Variants in CHD1L observed in about 807,000 individuals in gnomAD.
CHD1L encodes the protein chromodomain helicase DNA binding protein 1 like.
In CHD1L, 118 loss-of-function variants were observed where a neutral mutation model predicts 115.9. The observed-to-expected ratio is 1.02, with a 90% CI of 0.88 to 1.19. The LOEUF (loss-of-function observed/expected upper bound fraction) is 1.19, where lower values mean the gene tolerates loss of function less well. CHD1L is among the 50% of genes most tolerant of loss of function. The pLI is 0.00. For missense variants in CHD1L, 1,179 were observed against 1,065.3 expected (o/e 1.11, Z -1.49); for synonymous variants, 411 against 387.1 (o/e 1.06, Z -0.72).
chr1:147,218,435 A>G, the CHD1L span, among the ~76,000 whole-genome samples: 1 of 151,670 alleles, frequency 6.6e-6, no homozygotes, highest in Non-Finnish European at 1.5e-5. Context: ...GACGGGTTTC[A>G]CCATGTTAGC....
At chr1:147,264,255 C>T (rs982720516) in intron 6 of CHD1L, among the ~76,000 whole-genome samples, 167 bp from the exon 7 acceptor site, 2 of 152,170 alleles carry the variant, frequency 1.3e-5, no homozygotes, top group Non-Finnish European at 2.9e-5. Flanking sequence ...ATTTCATCTG[C>T]ATCAAACAGC....
In CHD1L at chr1:147,252,638, C is replaced by G; in HGVS notation, c.143C>G (p.Ser48Cys). 6.2e-7 allele frequency: 1 copy of G among 1,613,974 alleles called. No homozygotes were observed. The highest frequency in any genetic ancestry group is 1.7e-5 in the Admixed American group (1 of 60,020). The change falls in exon 2 of 23, where the codon TCT (serine) becomes TGT (cysteine). Residue 48 changes from serine (S) to cysteine (C), a missense_variant. Physicochemically the swap from Ser to Cys is moderately radical, Grantham distance 112 (BLOSUM62 -1). Transcript: ENST00000369258. Reference sequence around the variant, plus strand: ...TTGTTTCTAGGGATTCACCTACGCTCTTACCAGCTGGAGGGAGTAAACTGG... The same window carrying G: ...TTGTTTCTAGGGATTCACCTACGCTGTTACCAGCTGGAGGGAGTAAACTGG... The part of the protein sequence containing the change: ...QWGLTGIHLR[S>C]YQLEGVNWLA...
At chr1:147,202,309 G>GTCTT in the CHD1L span, among the ~76,000 whole-genome samples, 6 of 118,436 alleles carry the variant, frequency 5.1e-5, no homozygotes, top group Non-Finnish European at 6.9e-5. Context: ...CTAAAAAGCA[G>GTCTT]TTCTTTTTTT....
chr1:147,223,986 C>T, the CHD1L span: 18 of 419,500 alleles, frequency 4.3e-5, no homozygotes, highest in Non-Finnish European at 7.6e-5. Context: ...ACAATCACCA[C>T]CTTGGTGGAG....
chr1:147,213,336 A>T, the CHD1L span: 1 of 1,612,416 alleles, frequency 6.2e-7, no homozygotes, highest in African/African-American at 1.3e-5. Flanking sequence ...GTAGATGAGC[A>T]TTGGTGTGAT....
At chr1:147,179,283 G>A in the CHD1L span, 1 of 1,609,272 alleles carries the variant, frequency 6.2e-7, no homozygotes, top group Middle Eastern at 1.7e-4. Context: ...ATGAAATAGT[G>A]AATAATGAAA....
chr1:147,180,446 C>A, the CHD1L span, among the ~76,000 whole-genome samples: 1 of 152,096 alleles, frequency 6.6e-6, no homozygotes, highest in African/African-American at 2.4e-5. Flanking sequence ...TGTGTGCCAC[C>A]ACGCCTAGTC....
the CHD1L span, among the ~76,000 whole-genome samples, chr1:147,217,879 A>C: frequency 2.0e-5 from 3 of 152,334 alleles, no homozygotes; most frequent in African/African-American, 7.2e-5. Context: ...CTCCAACTAG[A>C]TTGTAAGCCC....
At chr1:147,201,302 C>T in the CHD1L span, 5 of 1,614,192 alleles carry the variant, frequency 3.1e-6, no homozygotes, top group Non-Finnish European at 4.2e-6. Context: ...TTTTTGACCA[C>T]TTTGACGGAA....
chr1:147,274,630 T>C lies in CHD1L; in HGVS notation c.1271-724T>C, dbSNP rs896597642. Among the ~76,000 whole-genome samples the C allele has an allele frequency of 7.0e-4, 107 of 152,032 alleles. 6 individuals carry two copies. The highest frequency in any genetic ancestry group is 5.9e-5 in the Non-Finnish European group (4 of 67,994). ...GTACCTTCACGGTTCTCTTAATTAA[T>C]TCCTGTAACTCAAGGTACCTCCTCA... On this transcript the variant is annotated intron_variant, in intron 12 of 22. Coordinates refer to ENST00000369258, the MANE Select transcript of CHD1L (RefSeq NM_004284.6).
At chr1:147,281,344 G>A (rs1362824469) in intron 15 of CHD1L, among the ~76,000 whole-genome samples, 1 of 152,224 alleles carries the variant, frequency 6.6e-6, no homozygotes, top group East Asian at 1.9e-4. Flanking sequence ...CTGCCTGACT[G>A]TCTACTCTAG....
the CHD1L span, among the ~76,000 whole-genome samples, chr1:147,206,231 C>G: frequency 6.6e-6 from 1 of 150,918 alleles, no homozygotes; most frequent in Non-Finnish European, 1.5e-5. Context: ...CATCTCACAC[C>G]AGTTAGAATG....
the CHD1L span, chr1:147,179,733 G>A: frequency 4.5e-6 from 3 of 672,586 alleles, no homozygotes; most frequent in Non-Finnish European, 7.8e-6. Context: ...TCAGGGCCGA[G>A]AGGACAGAAT....
In CHD1L at chr1:147,282,049, T is replaced by C. The variant is rs140224327; in HGVS notation, c.1705+1858T>C. Among the ~76,000 whole-genome samples the C allele has an allele frequency of 5.3e-3, 811 of 152,322 alleles. 8 individuals carry two copies. The highest frequency in any genetic ancestry group is 7.5e-3 in the Non-Finnish European group (513 of 68,020). On this transcript the variant is annotated intron_variant, in intron 15 of 22. Coordinates refer to ENST00000369258, the MANE Select transcript of CHD1L (RefSeq NM_004284.6). Reference sequence around the variant, plus strand: ...TCTTTTTCTAAAAAGGAAAATTCGTTTGGGGATCTCTTGTTCTCATCGATA... The same window carrying C: ...TCTTTTTCTAAAAAGGAAAATTCGTCTGGGGATCTCTTGTTCTCATCGATA...
intron 14 of CHD1L, among the ~76,000 whole-genome samples, chr1:147,278,438 T>A (rs1239624991): frequency 6.6e-6 from 1 of 151,704 alleles, no homozygotes; most frequent in African/African-American, 2.4e-5. Flanking sequence ...TTGGCCAGAC[T>A]GGTCTTGATC....
chr1:147,280,063 T>C lies in CHD1L; in HGVS notation c.1577T>C (p.Leu526Pro). ...CTCAAATTTGGTTTGGATAAACTGCTGGCCTCTGAGGGGAGCACCATGGAT... is the reference window on the plus strand; with the variant it reads ...CTCAAATTTGGTTTGGATAAACTGCCGGCCTCTGAGGGGAGCACCATGGAT... ...EILKFGLDKL[L>P]ASEGSTMDEI... Residue 526 changes from leucine (L) to proline (P), a missense_variant, in exon 15 of 23, where the codon CTG (leucine) becomes CCG (proline). Leu to Pro is a moderately conservative substitution (Grantham distance 98). Transcript: ENST00000369258. The C allele has an allele frequency of 1.2e-6, 2 of 1,614,138 alleles. No individual in the cohort carries two copies. The highest frequency in any genetic ancestry group is 1.7e-6 in the Non-Finnish European group (2 of 1,180,032).
intron 14 of CHD1L, 87 bp from the exon 15 acceptor site, chr1:147,279,939 T>A: frequency 7.4e-7 from 1 of 1,350,446 alleles, no homozygotes; most frequent in Non-Finnish European, 1.0e-6. Flanking sequence ...CTGTGCCTGG[T>A]GTCGTTAATC....
In CHD1L at chr1:147,256,535, G is replaced by A; in HGVS notation, c.467G>A (p.Cys156Tyr). ...CGTGTCTTCCTAATTTTTCAGATTT[G>A]CTTGAAAGATGCATCATTTCTAAAA... is the stretch of plus-strand genomic sequence containing the variant. ...FHVLLTTYEI[C>Y]LKDASFLKSF... Residue 156 changes from cysteine to tyrosine, a missense_variant, in exon 5 of 23, where the codon TGC (cysteine) becomes TAC (tyrosine). By Grantham distance (194) the Cys-to-Tyr change is radical. Coordinates refer to ENST00000369258, the MANE Select transcript of CHD1L (RefSeq NM_004284.6). 6.2e-7 allele frequency: 1 copy of A among 1,613,338 alleles called. No homozygotes were observed. The highest frequency in any genetic ancestry group is 1.7e-5 in the Admixed American group (1 of 59,980).
chr1:147,178,177 G>A, the CHD1L span: 3 of 1,611,450 alleles, frequency 1.9e-6, no homozygotes, highest in Admixed American at 3.3e-5. Context: ...GGCCCGCCTC[G>A]CGGCTGCCTC....
Sources: gnomAD v4.1 joint callset for allele counts (sites outside exome capture counted in the v4.1 genomes callset) on GRCh38, gnomAD v4.1.1 for gene constraint, MANE v1.5 for transcripts, NCBI Gene and HGNC (gene_info 2026-07-23, HGNC 2026-07-21) for gene names.